The following DNAH9 variants were observed in gnomAD, a reference collection of about 807,000 sequenced individuals.
DNAH9 encodes DNAH9 variant protein.
A neutral mutation model predicts 471.6 loss-of-function variants in DNAH9; 345 were observed. That is an observed-to-expected ratio of 0.73 (90% CI 0.67 to 0.80). The LOEUF is 0.80. Among genes scored for constraint, DNAH9 ranks in the 30% least tolerant of loss-of-function variants. DNAH9 has a pLI of 0.00. For missense variants in DNAH9, 5,407 were observed against 5,609.2 expected, an observed-to-expected ratio of 0.96 and a Z score of 1.15; for synonymous variants, 2,093 against 2,123.6, an observed-to-expected ratio of 0.99 and a Z score of 0.40.
rs538775155 is a variant in DNAH9, at chr17:11,860,789, G to A, written c.9933+6361G>A. ...TTAGTCAGGCTGGTCTCGAACTCCCGACCTCAGGTGATCTGCCCGCCTCGG... is the reference window on the plus strand; with the variant it reads ...TTAGTCAGGCTGGTCTCGAACTCCCAACCTCAGGTGATCTGCCCGCCTCGG... On this transcript the variant is annotated intron_variant, in intron 50 of 68. Coordinates refer to ENST00000262442, the MANE Select transcript of DNAH9 (RefSeq NM_001372.4). 2.6e-5 allele frequency among the ~76,000 whole-genome samples: 4 copies of A among 152,178 alleles called. No homozygotes were observed. The East Asian group carries it at 5.8e-4, about 22-fold the overall frequency.
At chr17:11,736,700 C>G (rs1297401674) in intron 28 of DNAH9, among the ~76,000 whole-genome samples, 1 of 152,192 alleles carries the variant, frequency 6.6e-6, no homozygotes, top group Non-Finnish European at 1.5e-5. Flanking sequence ...CAACACTCTC[C>G]CTCAAGAGCC....
intron 28 of DNAH9, among the ~76,000 whole-genome samples, chr17:11,737,846 A>G (rs1204793916): frequency 6.6e-6 from 1 of 152,220 alleles, no homozygotes; most frequent in African/African-American, 2.4e-5. Flanking sequence ...CTGGAGGTAT[A>G]GTCTGGGGGA....
At chr17:11,865,208 G>A (rs893506828) in intron 50 of DNAH9, among the ~76,000 whole-genome samples, 1 of 152,016 alleles carries the variant, frequency 6.6e-6, no homozygotes, top group African/African-American at 2.4e-5. Flanking sequence ...GCTCTTTTAG[G>A]GCAGGCCTGG....
At chr17:11,867,202 A>G (rs1045371460) in intron 50 of DNAH9, among the ~76,000 whole-genome samples, 2 of 152,198 alleles carry the variant, frequency 1.3e-5, no homozygotes, top group Non-Finnish European at 2.9e-5. Context: ...TTTGGCATGT[A>G]AAGATTCATT....
intron 52 of DNAH9, among the ~76,000 whole-genome samples, chr17:11,874,697 C>T (rs1972408075): frequency 6.6e-6 from 1 of 151,752 alleles, no homozygotes; most frequent in Non-Finnish European, 1.5e-5. Context: ...GGTAAAGATA[C>T]CGAAAAACAA....
intron 48 of DNAH9, among the ~76,000 whole-genome samples, chr17:11,832,311 T>G (rs1427767498): frequency 6.6e-6 from 1 of 152,094 alleles, no homozygotes; most frequent in Non-Finnish European, 1.5e-5. Context: ...ATAAGCCATA[T>G]CTGCAATCAA....
chr17:11,629,404 A>T lies in DNAH9; in HGVS notation c.1351-13A>T. 6.2e-7 allele frequency: 1 copy of T among 1,604,534 alleles called. No homozygotes were observed. The highest frequency in any genetic ancestry group is 8.5e-7 in the Non-Finnish European group (1 of 1,174,864). The stretch of plus-strand genomic sequence containing the variant: ...GAGAATGATTTTAACTTTTTTGTGA[A>T]TTGTCCCCATAGGGTCTTCTGAAGA... On this transcript the variant is annotated splice_polypyrimidine_tract_variant and intron_variant, in intron 6 of 68. Coordinates refer to ENST00000262442, the MANE Select transcript of DNAH9 (RefSeq NM_001372.4).
intron 36 of DNAH9, among the ~76,000 whole-genome samples, chr17:11,767,999 G>A (rs1968037416): frequency 6.6e-6 from 1 of 152,102 alleles, no homozygotes; most frequent in African/African-American, 2.4e-5. Flanking sequence ...CCCCTTCTGA[G>A]GCTCTTCTCA....
Position 11,664,892 on chromosome 17 carries a change from C to T in DNAH9, c.2655C>T (p.Asn885=). 6.2e-7 allele frequency: 1 copy of T among 1,612,026 alleles called. No individual in the cohort carries two copies. Among genetic ancestry groups the T allele is most frequent in the Non-Finnish European group, 8.5e-7 (1 of 1,178,136 alleles). ...PTSNIWKTYV[N]SIDNLLLNGF... ...CCAATATCTGGAAGACTTATGTTAA[C>T]TCTATTGACAATTTGTTGCTGAATG... Residue 885 remains asparagine (N), a synonymous_variant, in exon 15 of 69, where the codon AAC becomes AAT. Transcript: ENST00000262442.
At position 11,603,527 on chromosome 17, in the gene DNAH9, T is replaced by G. The variant is rs540612177; in HGVS notation, c.418-4602T>G. Among the ~76,000 whole-genome samples, 3 of 152,328 alleles carry G rather than the reference T, an allele frequency of 2.0e-5. No individual in the cohort carries two copies. The South Asian group carries it at 6.2e-4, about 32-fold the overall frequency. On this transcript the variant is annotated intron_variant, in intron 1 of 68. Coordinates refer to ENST00000262442, the MANE Select transcript of DNAH9 (RefSeq NM_001372.4). ...TGCCCTCTGATGCCAACCCTAAGGCTGAAACTGCTGCCTGTGCTCTGAATC... is the reference window on the plus strand; with the variant it reads ...TGCCCTCTGATGCCAACCCTAAGGCGGAAACTGCTGCCTGTGCTCTGAATC...
rs1268992223 is a variant in DNAH9, at chr17:11,626,474, C to T, written c.1351-2943C>T. Among the ~76,000 whole-genome samples, 1 of 152,180 alleles carries T rather than the reference C, an allele frequency of 6.6e-6. No homozygotes were observed. The highest frequency in any genetic ancestry group is 1.5e-5 in the Non-Finnish European group (1 of 68,038). On this transcript the variant is annotated intron_variant, in intron 6 of 68. Coordinates refer to ENST00000262442, the MANE Select transcript of DNAH9 (RefSeq NM_001372.4). This position sits in a 1 kb window ranked among gnomAD's most constrained non-coding sequence, Gnocchi z 4.3. ...TTTCTGCTATGCCTCCAACATCAAA[C>T]TTATTAAAACCCCTTCAGCGATGGA...
intron 59 of DNAH9, among the ~76,000 whole-genome samples, chr17:11,901,719 C>T (rs954849162): frequency 5.9e-5 from 9 of 152,058 alleles, no homozygotes; most frequent in South Asian, 2.1e-4. Flanking sequence ...ACAAAAAACA[C>T]GCTAACACTA....
In DNAH9 at chr17:11,664,842, G is replaced by C. The variant is rs1297127118; in HGVS notation, c.2605G>C (p.Gly869Arg). Residue 869 changes from glycine to arginine, a missense_variant, in exon 15 of 69, where the codon GGT becomes CGT. Physicochemically the swap from Gly to Arg is moderately radical, Grantham distance 125. This residue lies in a region of DNAH9 where 4,636 missense variants were observed against 4,900.3 expected (regional missense o/e 0.95). Transcript: ENST00000262442. ...KIHALVQENL[G>R]LFSADPTSNI... Reference sequence around the variant, plus strand: ...CTTCTTCCTTTTATAGGAAAACCTGGGTCTATTTTCAGCAGACCCAACCTC... The same window carrying C: ...CTTCTTCCTTTTATAGGAAAACCTGCGTCTATTTTCAGCAGACCCAACCTC... 3.7e-6 allele frequency: 6 copies of C among 1,612,594 alleles called. No homozygotes were observed. The highest frequency in any genetic ancestry group is 5.1e-6 in the Non-Finnish European group (6 of 1,179,070).
intron 56 of DNAH9, among the ~76,000 whole-genome samples, chr17:11,886,261 T>G (rs1972872987): frequency 6.6e-6 from 1 of 152,032 alleles, no homozygotes. Context: ...GAGGCGGAGG[T>G]TGCAGTGAGC....
chr17:11,946,428 G>C (rs1215297560), intron 67 of DNAH9, among the ~76,000 whole-genome samples: 24 of 151,612 alleles, frequency 1.6e-4, no homozygotes, highest in Non-Finnish European at 1.6e-4. Flanking sequence ...CTTTGGGAGG[G>C]CAAGGTGGGT....
At chr17:11,711,130 C>G (rs2074820558) in intron 26 of DNAH9, among the ~76,000 whole-genome samples, 1 of 152,092 alleles carries the variant, frequency 6.6e-6, no homozygotes, top group Non-Finnish European at 1.5e-5. Flanking sequence ...TGAGGGAGGT[C>G]TCTGATTGGT....
rs547023212 is a variant in DNAH9 at position 11,874,698 on chromosome 17, C to T, written c.10243-251C>T. 4.0e-5 allele frequency among the ~76,000 whole-genome samples: 6 copies of T among 151,486 alleles called. No individual in the cohort carries two copies. The East Asian group carries it at 9.7e-4, about 25-fold the overall frequency. On this transcript the variant is annotated intron_variant, in intron 52 of 68. Transcript: ENST00000262442. The stretch of plus-strand genomic sequence containing the variant: ...AGAAACTTGACTTAGGTAAAGATAC[C>T]GAAAAACAAAGAATCAGTCACACGA...
intron 50 of DNAH9, among the ~76,000 whole-genome samples, chr17:11,862,595 A>G (rs375132705): frequency 2.0e-5 from 3 of 152,000 alleles, no homozygotes; most frequent in East Asian, 1.9e-4. Context: ...CATTGAATCT[A>G]TAAATTACCT....
chr17:11,860,543 T>A (rs903205872), intron 50 of DNAH9, among the ~76,000 whole-genome samples: 1 of 152,160 alleles, frequency 6.6e-6, no homozygotes, highest in African/African-American at 2.4e-5. Flanking sequence ...TTGTTGTTGC[T>A]TTGTGTTTTG....
Sources: gnomAD v4.1 joint callset for allele counts (sites outside exome capture counted in the v4.1 genomes callset) on GRCh38, gnomAD v4.1.1 for gene constraint, gnomAD v4.1.1 regional missense constraint, Gnocchi (gnomAD v3.1) non-coding constraint, MANE v1.5 for transcripts, NCBI Gene and HGNC (gene_info 2026-07-23, HGNC 2026-07-21) for gene names.